PPP1R21: variants seen among roughly 807,000 people sequenced by gnomAD.
PPP1R21 encodes KLRAQ motif containing 1.
In PPP1R21, 85 loss-of-function variants were observed where a neutral mutation model predicts 112.8. That is an observed-to-expected ratio of 0.75 (90% CI 0.63 to 0.90). The LOEUF is 0.90. PPP1R21 is among the 40% of genes least tolerant of loss of function. PPP1R21 has a pLI of 0.00. For synonymous variants in PPP1R21, 381 were observed against 322.3 expected, an observed-to-expected ratio of 1.18 and a Z score of -1.95; for missense variants, 1,199 against 901.5, an observed-to-expected ratio of 1.33 and a Z score of -4.23.
intron 1 of PPP1R21, among the ~76,000 whole-genome samples, chr2:48,444,403 G>A (rs1348809076): frequency 3.3e-5 from 5 of 152,208 alleles, no homozygotes; most frequent in Admixed American, 1.3e-4. Context: ...ATAGATTAAG[G>A]ATGAAAGACC....
intron 1 of PPP1R21, among the ~76,000 whole-genome samples, chr2:48,443,706 T>A (rs1251061671): frequency 1.3e-5 from 2 of 152,248 alleles, no homozygotes; most frequent in African/African-American, 2.4e-5. Context: ...TTGTGCTTTT[T>A]ATTCCTTGTC....
intron 15 of PPP1R21, among the ~76,000 whole-genome samples, chr2:48,492,006 A>T (rs1204162808): frequency 6.6e-6 from 1 of 152,200 alleles, no homozygotes; most frequent in African/African-American, 2.4e-5. Context: ...TTATAATTTA[A>T]TTCATTGCTG....
At chr2:48,482,086 C>G (rs1669040559) in intron 13 of PPP1R21, among the ~76,000 whole-genome samples, 1 of 152,144 alleles carries the variant, frequency 6.6e-6, no homozygotes, top group Non-Finnish European at 1.5e-5. Flanking sequence ...ACTGCTGGTC[C>G]TAAGCTTTTT....
intron 19 of PPP1R21, among the ~76,000 whole-genome samples, chr2:48,508,805 A>G (rs1670504292): frequency 6.6e-6 from 1 of 152,248 alleles, no homozygotes; most frequent in South Asian, 2.1e-4. Context: ...GAGAAATGAA[A>G]TAAGTAGCTG....
Position 48,495,678 on chromosome 2 carries a change from G to C in PPP1R21, c.1600-1G>C. The C allele has an allele frequency of 6.4e-7, 1 of 1,573,172 alleles. No homozygotes were observed. The highest frequency in any genetic ancestry group is 8.7e-7 in the Non-Finnish European group (1 of 1,143,332). ...TAATTCTTATGATGCTTTTATCATAGCCCCTCTTGGAGTCTGTGCCTTATG... is the reference window on the plus strand; with the variant it reads ...TAATTCTTATGATGCTTTTATCATACCCCCTCTTGGAGTCTGTGCCTTATG... On this transcript the variant is annotated splice_acceptor_variant, in intron 15 of 21. Transcript: ENST00000294952. LOFTEE classifies it high-confidence loss of function.
intron 7 of PPP1R21, among the ~76,000 whole-genome samples, chr2:48,462,133 A>G (rs1476893364): frequency 6.6e-6 from 1 of 151,788 alleles, no homozygotes; most frequent in African/African-American, 2.4e-5. Context: ...AGGTTTTAAT[A>G]ATTTCCTTCT....
intron 3 of PPP1R21, among the ~76,000 whole-genome samples, chr2:48,457,326 T>G (rs1188057115): frequency 6.6e-6 from 1 of 152,190 alleles, no homozygotes; most frequent in Non-Finnish European, 1.5e-5. Flanking sequence ...GCTACTCCAT[T>G]TTCAAAGGGC....
intron 15 of PPP1R21, among the ~76,000 whole-genome samples, chr2:48,492,479 A>T (rs557503843): frequency 6.6e-6 from 1 of 152,318 alleles, no homozygotes. Context: ...ACGGCATAGA[A>T]TTCTATAATA....
At chr2:48,465,681 A>G (rs1390182192) in intron 9 of PPP1R21, 39 bp downstream of exon 9, 3 of 1,580,232 alleles carry the variant, frequency 1.9e-6, no homozygotes, top group African/African-American at 1.4e-5. Flanking sequence ...TGCCCTGAAC[A>G]AAATAGGGAG....
At position 48,459,766 on chromosome 2, in the gene PPP1R21, G is replaced by C; in HGVS notation, c.388G>C (p.Asp130His). 6.2e-7 allele frequency: 1 copy of C among 1,612,474 alleles called. No individual in the cohort carries two copies. The highest frequency in any genetic ancestry group is 8.5e-7 in the Non-Finnish European group (1 of 1,179,542). The change falls in exon 5 of 22, where the codon GAT becomes CAT. Residue 130 changes from aspartate (D) to histidine (H), a missense_variant. By Grantham distance (81) the Asp-to-His change is moderately conservative. Transcript: ENST00000294952. ...CTTCTCTTTTTAGTTTTTTGAAGCT[G>C]ATGAGCAGCACAAGCATGTGGAAGC... Reference protein sequence around the residue: ...ERLHIQFFEADEQHKHVEAEL... With the variant: ...ERLHIQFFEAHEQHKHVEAEL...
At chr2:48,502,674 T>C (rs1030053428) in intron 17 of PPP1R21, among the ~76,000 whole-genome samples, 3 of 146,688 alleles carry the variant, frequency 2.0e-5, no homozygotes, top group Non-Finnish European at 4.5e-5. Context: ...ATAGAAACTT[T>C]TCTTTTTTTT....
At chr2:48,492,216 A>G (rs942836730) in intron 15 of PPP1R21, among the ~76,000 whole-genome samples, 3 of 152,216 alleles carry the variant, frequency 2.0e-5, no homozygotes, top group African/African-American at 7.2e-5. Context: ...CTCTAGAGGT[A>G]ACCATAATTA....
chr2:48,454,687 A>G lies in PPP1R21; in HGVS notation c.219A>G (p.Val73=), dbSNP rs746915019. Residue 73 remains valine (V), a synonymous_variant, in exon 3 of 22, where the codon GTA becomes GTG. Transcript: ENST00000294952. The part of the protein sequence containing the change: ...TFRNLQLAKR[V]ELLQDELALS... ...GAAATCTGCAGCTTGCCAAGAGGGT[A>G]GAACTACTTCAAGATGAACTAGCTC... is the stretch of plus-strand genomic sequence containing the variant. 1 of 1,614,208 alleles carries G rather than the reference A, an allele frequency of 6.2e-7. No homozygotes were observed. Among genetic ancestry groups the G allele is most frequent in the Non-Finnish European group, 8.5e-7 (1 of 1,180,016 alleles).
intron 9 of PPP1R21, 30 bp downstream of exon 9, chr2:48,465,672 G>A: frequency 1.3e-6 from 2 of 1,597,214 alleles, no homozygotes; most frequent in Non-Finnish European, 8.5e-7. Flanking sequence ...CATTTTGTTT[G>A]CCCTGAACAA....
intron 17 of PPP1R21, among the ~76,000 whole-genome samples, chr2:48,499,054 A>G (rs891769231): frequency 2.7e-5 from 4 of 150,160 alleles, no homozygotes; most frequent in African/African-American, 9.8e-5. Flanking sequence ...TATTAATCCT[A>G]TTAGGTTATT....
Position 48,505,616 on chromosome 2 carries a change from ATGT to A in PPP1R21, c.1968+25_1968+27del. On this transcript the variant is annotated intron_variant, in intron 18 of 21. Transcript: ENST00000294952. ...AGTGAGGTAACATGTGCTTGTCATC[ATGT>A]TGTTTGTTAGTAAATATCTGGCAGC... 4 of 1,542,658 alleles carry A rather than the reference ATGT, an allele frequency of 2.6e-6. No individual in the cohort carries two copies. Among genetic ancestry groups the A allele is most frequent in the Non-Finnish European group, 3.5e-6 (4 of 1,138,250 alleles).
At chr2:48,456,927 C>G (rs1667753558) in intron 3 of PPP1R21, among the ~76,000 whole-genome samples, 1 of 152,080 alleles carries the variant, frequency 6.6e-6, no homozygotes, top group African/African-American at 2.4e-5. Flanking sequence ...TGGTATGTGC[C>G]TGTAATCCCA....
chr2:48,478,420 C>T (rs145799280), intron 12 of PPP1R21, among the ~76,000 whole-genome samples: 152 of 152,312 alleles, frequency 1.0e-3, no homozygotes, highest in Non-Finnish European at 2.1e-3. Flanking sequence ...GATGTTGCTT[C>T]TCAAGGATTC....
intron 11 of PPP1R21, among the ~76,000 whole-genome samples, chr2:48,473,903 T>G (rs928170415): frequency 3.9e-5 from 6 of 152,202 alleles, no homozygotes; most frequent in Admixed American, 6.5e-5. Flanking sequence ...ACTTTTAAAT[T>G]TGAGCCTCTA....
Sources: allele counts gnomAD v4.1 joint callset (sites outside exome capture counted in the v4.1 genomes callset), GRCh38; gene constraint gnomAD v4.1.1; transcripts MANE v1.5; gene names NCBI Gene and HGNC (gene_info 2026-07-23, HGNC 2026-07-21).